The following CRYBG1 variants were observed in gnomAD, a reference collection of about 807,000 sequenced individuals.
CRYBG1 encodes the protein crystallin beta-gamma domain containing 1, also known as beta/gamma crystallin domain-containing protein 1.
A neutral mutation model predicts 189.2 loss-of-function variants in CRYBG1; 139 were observed. That is an observed-to-expected ratio of 0.73 (90% CI 0.64 to 0.85). CRYBG1 has a LOEUF of 0.85. CRYBG1 is among the 40% of genes least tolerant of loss of function. CRYBG1 has a pLI of 0.00. For synonymous variants in CRYBG1, 1,023 were observed against 1,017.1 expected (o/e 1.01, Z -0.11); for missense variants, 2,611 against 2,675.8 (o/e 0.98, Z 0.53).
chr6:106,428,908 A>G (rs998523914), intron 1 of CRYBG1, among the ~76,000 whole-genome samples: 9 of 152,208 alleles, frequency 5.9e-5, no homozygotes, highest in Admixed American at 5.9e-4. Flanking sequence ...CATCTTCTCC[A>G]ACTTTTTATC....
Position 106,513,037 on chromosome 6 carries a change from C to G in CRYBG1, c.1920C>G (p.Thr640=). The G allele has an allele frequency of 6.2e-7, 1 of 1,600,028 alleles. No individual in the cohort carries two copies. The highest frequency in any genetic ancestry group is 8.5e-7 in the Non-Finnish European group (1 of 1,178,870). Residue 640 remains threonine, a splice_region_variant and synonymous_variant, in exon 3 of 22, where the codon ACC becomes ACG. Transcript: ENST00000633556. ...GGTCGACAGTGACCACTAAAGTGAC[C>G]CTGTAAGTAGCCGCGCAAGTCCCGG... The part of the protein sequence containing the change: ...VGRSTVTTKV[T]LPAKPKHVEL...
At chr6:106,425,364 G>C (rs1771205707) in intron 1 of CRYBG1, among the ~76,000 whole-genome samples, 1 of 152,034 alleles carries the variant, frequency 6.6e-6, no homozygotes, top group South Asian at 2.1e-4. Flanking sequence ...CTGTTATCTT[G>C]TCATTACCAG....
At chr6:106,390,293 C>T (rs1383535112) in intron 1 of CRYBG1, among the ~76,000 whole-genome samples, 3 of 152,072 alleles carry the variant, frequency 2.0e-5, no homozygotes, top group Non-Finnish European at 4.4e-5. Context: ...AATAGGATTA[C>T]AAAAGTTACC....
chr6:106,385,717 T>C (rs538176171), intron 1 of CRYBG1, among the ~76,000 whole-genome samples: 1 of 152,204 alleles, frequency 6.6e-6, no homozygotes, highest in Non-Finnish European at 1.5e-5. Context: ...CTAACAATTA[T>C]GTTTCAATAT....
intron 8 of CRYBG1, among the ~76,000 whole-genome samples, chr6:106,534,037 T>C (rs1350323377): frequency 6.6e-6 from 1 of 152,194 alleles, no homozygotes; most frequent in African/African-American, 2.4e-5. Flanking sequence ...TCTTGCTGCC[T>C]TTAATTTTTT....
chr6:106,411,662 G>A (rs1270606495), intron 1 of CRYBG1, among the ~76,000 whole-genome samples: 2 of 152,168 alleles, frequency 1.3e-5, no homozygotes, highest in Non-Finnish European at 2.9e-5. Context: ...ATTACACAGT[G>A]AAGTCCCACA....
At chr6:106,475,312 A>G (rs187367259) in intron 2 of CRYBG1, among the ~76,000 whole-genome samples, 2 of 152,310 alleles carry the variant, frequency 1.3e-5, no homozygotes, top group Non-Finnish European at 2.9e-5. Flanking sequence ...GAATGTATAA[A>G]CCGAATGGGA....
intron 1 of CRYBG1, among the ~76,000 whole-genome samples, chr6:106,369,522 A>G (rs1013133667): frequency 1.3e-5 from 2 of 152,172 alleles, no homozygotes; most frequent in African/African-American, 4.8e-5. Flanking sequence ...TGCAGAGTAC[A>G]CCTCTTAATT....
At position 106,512,067 on chromosome 6, in the gene CRYBG1, C is replaced by T. The variant is rs2114523701; in HGVS notation, c.950C>T (p.Pro317Leu). ...CTAGGCGAGGCCCCTAACGGAGCCC[C>T]CAGTGTGTGTGCCGAAGAAGGCTCC... ...GGLGEAPNGA[P>L]SVCAEEGSLG... The change falls in exon 3 of 22, where the codon CCC (proline) becomes CTC (leucine). Residue 317 changes from proline (P) to leucine (L), a missense_variant. By Grantham distance (98) the Pro-to-Leu change is moderately conservative. Around this residue, in one of 3 missense-constraint regions of CRYBG1, gnomAD observed 985 missense variants for 924.4 expected, o/e 1.07. Transcript: ENST00000633556. 3 of 1,534,296 alleles carry T rather than the reference C, an allele frequency of 2.0e-6. No individual in the cohort carries two copies. In the East Asian group the frequency reaches 7.3e-5, roughly 38 times the overall value.
In CRYBG1 at chr6:106,520,222, C is replaced by T. The variant is rs76362616; in HGVS notation, c.3014C>T (p.Pro1005Leu). The change falls in exon 4 of 22, where the codon CCA becomes CTA. Residue 1005 changes from proline (P) to leucine (L), a missense_variant. By Grantham distance (98) the Pro-to-Leu change is moderately conservative (BLOSUM62 -3). This residue lies in a region of CRYBG1 where 1,622 missense variants were observed against 1,735.0 expected (regional missense o/e 0.93). Coordinates refer to ENST00000633556, the MANE Select transcript of CRYBG1 (RefSeq NM_001371242.2). The part of the protein sequence containing the change: ...EVVSVASCAP[P>L]QEEVLGNEHS... ...GTTTCCGTTGCAAGTTGTGCTCCCC[C>T]ACAAGAGGAAGTACTGGGCAATGAA... 1 of 1,614,144 alleles carries T rather than the reference C, an allele frequency of 6.2e-7. No homozygotes were observed. Among genetic ancestry groups the T allele is most frequent in the African/African-American group, 1.3e-5 (1 of 75,018 alleles).
At chr6:106,467,765 T>C (rs1772143284) in intron 2 of CRYBG1, among the ~76,000 whole-genome samples, 1 of 152,180 alleles carries the variant, frequency 6.6e-6, no homozygotes, top group South Asian at 2.1e-4. Context: ...AAATCTGACC[T>C]GAACTGATAT....
At chr6:106,404,728 A>G (rs1428805530) in intron 1 of CRYBG1, among the ~76,000 whole-genome samples, 1 of 152,096 alleles carries the variant, frequency 6.6e-6, no homozygotes, top group Non-Finnish European at 1.5e-5. Context: ...CGGCCCACCG[A>G]GGGTGAGCAG....
chr6:106,561,410 G>C lies in CRYBG1; in HGVS notation c.6048G>C (p.Glu2016Asp), dbSNP rs993806157. The C allele has an allele frequency of 6.2e-7, 1 of 1,614,152 alleles. No homozygotes were observed. Among genetic ancestry groups the C allele is most frequent in the Admixed American group, 1.7e-5 (1 of 60,026 alleles). ...GLFMSTNGNL[E>D]DLKLLRIQVM... ...TCATGTCAACCAATGGAAACTTAGA[G>C]GATCTGAAGCTTCTGAGGATACAGG... is the stretch of plus-strand genomic sequence containing the variant. The change falls in exon 20 of 22, where the codon GAG (glutamate) becomes GAC (aspartate). Residue 2016 changes from glutamate (E) to aspartate (D), a missense_variant. This residue lies in a region of CRYBG1 where 1,622 missense variants were observed against 1,735.0 expected (regional missense o/e 0.93). Transcript: ENST00000633556.
At chr6:106,364,276 A>C (rs1267754666) in intron 1 of CRYBG1, among the ~76,000 whole-genome samples, 2 of 152,128 alleles carry the variant, frequency 1.3e-5, no homozygotes, top group East Asian at 3.9e-4. Context: ...GTGGTGAGCC[A>C]AGATCATGCC....
intron 1 of CRYBG1, among the ~76,000 whole-genome samples, chr6:106,448,724 T>C (rs1771719168): frequency 6.6e-6 from 1 of 152,238 alleles, no homozygotes; most frequent in South Asian, 2.1e-4. Context: ...CATCCATTTC[T>C]ACCCTCTCCC....
In CRYBG1 at chr6:106,511,927, G is replaced by A. The variant is rs1237628392; in HGVS notation, c.810G>A (p.Thr270=). Residue 270 remains threonine (T), a synonymous_variant, in exon 3 of 22, where the codon ACG becomes ACA. Transcript: ENST00000633556. ...CCTCCAGGCAAGAGAACGCAGAGAC[G>A]CCCGCCCGCAGTCCGGGGGAGGACG... ...GNSSRQENAE[T]PARSPGEDAS... is the part of the protein sequence containing the mutation. 2.0e-6 allele frequency: 3 copies of A among 1,524,950 alleles called. No individual in the cohort carries two copies. Among genetic ancestry groups the A allele is most frequent in the Admixed American group, 2.0e-5 (1 of 49,998 alleles). The allele number at this position is 1,524,950 out of a possible 1,614,324, so 94.5% of individuals were successfully genotyped here.
intron 1 of CRYBG1, among the ~76,000 whole-genome samples, chr6:106,441,295 G>A (rs1327336759): frequency 1.3e-5 from 2 of 152,182 alleles, no homozygotes; most frequent in East Asian, 3.9e-4. Context: ...GCTGACATTT[G>A]GAGCTTGTGA....
intron 1 of CRYBG1, among the ~76,000 whole-genome samples, chr6:106,386,635 T>TAAGGAGCATGCAAATTCTCAC (rs570989210): frequency 8.4e-6 from 1 of 118,486 alleles, no homozygotes; most frequent in African/African-American, 3.4e-5. Context: ...TAGATTCTCA[T>TAAGGAGCATGCAAATTCTCAC]AAGGAGCATG....
intron 1 of CRYBG1, among the ~76,000 whole-genome samples, chr6:106,381,175 T>C (rs1043384640): frequency 3.3e-5 from 5 of 152,194 alleles, no homozygotes; most frequent in Admixed American, 2.6e-4. Flanking sequence ...ATATACAGCA[T>C]AGAAGAATTT....
Sources: allele counts gnomAD v4.1 joint callset (sites outside exome capture counted in the v4.1 genomes callset), GRCh38; gene constraint gnomAD v4.1.1; regional missense constraint gnomAD v4.1.1; transcripts MANE v1.5; gene names NCBI Gene and HGNC (gene_info 2026-07-23, HGNC 2026-07-21).